The following PCDHA6 variants were observed in gnomAD, a reference collection of about 807,000 sequenced individuals.
The protein encoded by PCDHA6 is protocadherin alpha-6.
A neutral mutation model predicts 60.3 loss-of-function variants in PCDHA6; 55 were observed. The observed-to-expected ratio is 0.91, with a 90% CI of 0.73 to 1.14. PCDHA6 has a LOEUF of 1.14. Among genes scored for constraint, PCDHA6 ranks in the 50% most tolerant of loss-of-function variants. The probability of loss-of-function intolerance (pLI) is 0.00; values close to 1 mark genes in which losing one functional copy is unlikely to be tolerated. For synonymous variants in PCDHA6, 652 were observed against 557.9 expected, an observed-to-expected ratio of 1.17 and a Z score of -2.38; for missense variants, 1,327 against 1,256.5, an observed-to-expected ratio of 1.06 and a Z score of -0.85.
chr5:140,983,444 TC>T (rs1554245415), intron 3 of PCDHA6, among the ~76,000 whole-genome samples: 1 of 152,224 alleles, frequency 6.6e-6, no homozygotes. Context: ...TCTACTCTAA[TC>T]CTCTATTAAT....
chr5:140,856,558 A>T lies in PCDHA6; in HGVS notation c.2394+26073A>T, dbSNP rs372031038. 2.5e-6 allele frequency: 4 copies of T among 1,598,086 alleles called. 1 individual carries two copies. The East Asian group carries it at 8.9e-5, about 36-fold the overall frequency. ...GAGAGAACGCATTGCTTACTTACAA[A>T]CTCAGTCCAAATGAGTATTTTGTTC... is the stretch of plus-strand genomic sequence containing the variant. On this transcript the variant is annotated intron_variant, in intron 1 of 3. Coordinates refer to ENST00000529310, the MANE Select transcript of PCDHA6 (RefSeq NM_018909.4).
chr5:140,995,606 C>G (rs532220927), intron 3 of PCDHA6, among the ~76,000 whole-genome samples: 30 of 152,102 alleles, frequency 2.0e-4, no homozygotes, highest in Non-Finnish European at 3.7e-4. Context: ...TTTTTCTTCT[C>G]CCAAACCAAA....
chr5:140,869,885 T>C (rs2051479155), intron 1 of PCDHA6: 7 of 1,610,426 alleles, frequency 4.3e-6, no homozygotes, highest in South Asian at 1.1e-5. Context: ...GAAACTCTTG[T>C]GCTCAAACTA....
intron 1 of PCDHA6, chr5:140,842,828 T>C (rs2150345538): frequency 1.9e-6 from 3 of 1,593,634 alleles, no homozygotes; most frequent in South Asian, 1.1e-5. Context: ...GGGCGAGCGC[T>C]CGCTGTCGAG....
Position 140,830,140 on chromosome 5 carries a change from G to A in PCDHA6, c.2049G>A (p.Ser683=), listed in dbSNP as rs1305649998. 2 of 1,613,352 alleles carry A rather than the reference G, an allele frequency of 1.2e-6. No individual in the cohort carries two copies. Among genetic ancestry groups the A allele is most frequent in the Non-Finnish European group, 8.5e-7 (1 of 1,179,872 alleles). Residue 683 remains serine, a synonymous_variant, in exon 1 of 4, where the codon TCG becomes TCA. Transcript: ENST00000529310. ...GQAPKASSRA[S]VGAAGPEAAL... is the part of the protein sequence containing the mutation. ...CTCCAAAGGCGTCATCACGGGCGTC[G>A]GTGGGCGCCGCGGGCCCAGAGGCGG...
At chr5:140,863,013 C>A (rs1274171221) in intron 1 of PCDHA6, 1 of 552,838 alleles carries the variant, frequency 1.8e-6, no homozygotes, top group Admixed American at 1.9e-5. Flanking sequence ...AGCTATGACG[C>A]CTGGTTGTCG....
rs782527674 is a variant in PCDHA6 at position 140,876,124 on chromosome 5, G to A, written c.2394+45639G>A. 162 of 1,613,780 alleles carry A rather than the reference G, an allele frequency of 1.0e-4. No individual in the cohort carries two copies. The highest frequency in any genetic ancestry group is 1.3e-4 in the Non-Finnish European group (152 of 1,179,892). ...TTTATTGCTGATGGTAATCGATGGC[G>A]GTAAACCAGAACTAACAGGGTCTGT... On this transcript the variant is annotated intron_variant, in intron 1 of 3. Coordinates refer to ENST00000529310, the MANE Select transcript of PCDHA6 (RefSeq NM_018909.4).
intron 3 of PCDHA6, among the ~76,000 whole-genome samples, chr5:141,000,931 T>G (rs1422337935): frequency 1.3e-5 from 2 of 152,188 alleles, no homozygotes; most frequent in African/African-American, 4.8e-5. Flanking sequence ...CCTGTGTGAT[T>G]TAGGACAAAT....
At chr5:140,930,906 C>T (rs1235701028) in intron 1 of PCDHA6, among the ~76,000 whole-genome samples, 1 of 152,134 alleles carries the variant, frequency 6.6e-6, no homozygotes, top group African/African-American at 2.4e-5. Flanking sequence ...ACTTACTTTT[C>T]TACTTTAGAT....
intron 1 of PCDHA6, among the ~76,000 whole-genome samples, chr5:140,950,908 T>G (rs1259421351): frequency 6.6e-6 from 1 of 152,072 alleles, no homozygotes; most frequent in Non-Finnish European, 1.5e-5. Flanking sequence ...TTTATTTTTA[T>G]TTTATTTCAG....
At chr5:140,897,356 CCA>C (rs2066046729) in intron 1 of PCDHA6, among the ~76,000 whole-genome samples, 1 of 134,770 alleles carries the variant, frequency 7.4e-6, no homozygotes, top group South Asian at 2.4e-4. Context: ...ACAACTGTCC[CCA>C]GAGTGTGATG....
At chr5:140,979,137 A>G (rs1554240284) in intron 2 of PCDHA6, 130 bp downstream of exon 2, 1 of 1,459,542 alleles carries the variant, frequency 6.9e-7, no homozygotes, top group Non-Finnish European at 9.0e-7. Context: ...GGAAAATGCA[A>G]TTATTTTGTC....
At chr5:140,973,720 A>G (rs781883210) in intron 1 of PCDHA6, among the ~76,000 whole-genome samples, 1 of 152,194 alleles carries the variant, frequency 6.6e-6, no homozygotes, top group Non-Finnish European at 1.5e-5. Flanking sequence ...GAGCCATCAC[A>G]TGGGCATCTG....
At position 140,829,713 on chromosome 5, in the gene PCDHA6, G is replaced by T; in HGVS notation, c.1622G>T (p.Gly541Val). 1 of 1,613,488 alleles carries T rather than the reference G, an allele frequency of 6.2e-7. No individual in the cohort carries two copies. Among genetic ancestry groups the T allele is most frequent in the Non-Finnish European group, 8.5e-7 (1 of 1,179,876 alleles). The change falls in exon 1 of 4, where the codon GGC (glycine) becomes GTC (valine). Residue 541 changes from glycine (G) to valine (V), a missense_variant. Coordinates refer to ENST00000529310, the MANE Select transcript of PCDHA6 (RefSeq NM_018909.4). ...LQFQVSARDA[G>V]VPPLGSNVTL... ...TTTCAGGTGAGCGCGCGCGACGCGG[G>T]CGTGCCGCCTCTGGGCAGCAACGTG... is the stretch of plus-strand genomic sequence containing the variant.
intron 1 of PCDHA6, among the ~76,000 whole-genome samples, chr5:140,947,996 T>G (rs185303145): frequency 1.1e-4 from 14 of 126,854 alleles, no homozygotes; most frequent in Non-Finnish European, 2.3e-4. Flanking sequence ...CCAAATACTT[T>G]ATTAAATTTA....
rs1255699815 is a variant in PCDHA6, at chr5:140,984,173, C to T, written c.2542+1610C>T. On this transcript the variant is annotated intron_variant, in intron 3 of 3. Transcript: ENST00000529310. The stretch of plus-strand genomic sequence containing the variant: ...AGGTGAGAACTTCCCAAAGAAGCCA[C>T]GTGAAATCATGACTTTCTACCTTGC... Among the ~76,000 whole-genome samples, 5 of 152,166 alleles carry T rather than the reference C, an allele frequency of 3.3e-5. No individual in the cohort carries two copies. The South Asian group carries it at 6.2e-4, about 19-fold the overall frequency.
At chr5:140,986,044 G>A (rs1261726247) in intron 3 of PCDHA6, among the ~76,000 whole-genome samples, 4 of 152,078 alleles carry the variant, frequency 2.6e-5, no homozygotes, top group African/African-American at 9.7e-5. Flanking sequence ...TGGCCTCACT[G>A]ATGAATTCTT....
At chr5:140,884,659 A>G in intron 1 of PCDHA6, 1 of 1,597,068 alleles carries the variant, frequency 6.3e-7, no homozygotes, top group Non-Finnish European at 8.5e-7. Flanking sequence ...AATGCTTGAA[A>G]GAGGTAAGCT....
chr5:140,842,557 C>T (rs200079412), intron 1 of PCDHA6: 4 of 1,596,448 alleles, frequency 2.5e-6, no homozygotes, highest in Non-Finnish European at 3.4e-6. Context: ...TGGACAGCGC[C>T]CTGGACCGCG....
Sources: gnomAD v4.1 joint callset for allele counts (sites outside exome capture counted in the v4.1 genomes callset) on GRCh38, gnomAD v4.1.1 for gene constraint, MANE v1.5 for transcripts, NCBI Gene and HGNC (gene_info 2026-07-23, HGNC 2026-07-21) for gene names.